Variants in DNAJC8 observed in about 807,000 individuals in gnomAD.
DNAJC8 encodes the protein dnaJ homolog subfamily C member 8.
Under a neutral mutation model 43.2 loss-of-function variants are expected in DNAJC8, and 24 were observed. That is an observed-to-expected ratio of 0.56 (90% CI 0.40 to 0.78). The LOEUF (loss-of-function observed/expected upper bound fraction) is 0.78, where lower values mean the gene tolerates loss of function less well. Ranked by LOEUF, DNAJC8 falls within the 30% of genes least tolerant of loss-of-function variation. The probability of loss-of-function intolerance (pLI) is 0.00; values close to 1 mark genes in which losing one functional copy is unlikely to be tolerated. For missense variants in DNAJC8, 207 were observed against 299.4 expected, an observed-to-expected ratio of 0.69 and a Z score of 2.28; for synonymous variants, 83 against 98.0, an observed-to-expected ratio of 0.85 and a Z score of 0.90.
chr1:28,223,520 T>G (rs1374461912), intron 2 of DNAJC8, among the ~76,000 whole-genome samples: 1 of 150,966 alleles, frequency 6.6e-6, no homozygotes, highest in Admixed American at 6.6e-5. Flanking sequence ...AGGGAAGGAG[T>G]GGCAGTGGGA....
Position 28,200,458 on chromosome 1 carries a change from G to A in DNAJC8, c.*790C>T, listed in dbSNP as rs948237557. The A allele has an allele frequency of 1.1e-4, 52 of 455,620 alleles. 1 individual carries two copies. Among genetic ancestry groups the A allele is most frequent in the Admixed American group, 1.0e-3 (44 of 42,308 alleles). 28.2% of individuals were successfully genotyped at this position (455,620 alleles called of 1,614,324 possible). On this transcript the variant is annotated 3_prime_UTR_variant, in exon 9 of 9. Transcript: ENST00000263697. ...CCCATTTCATAGATGAAGAAACTAA[G>A]GTTCAGCCAGGTCTGTCCAACCCCA...
intron 3 of DNAJC8, 123 bp downstream of exon 3, chr1:28,214,817 T>C (rs888628838): frequency 7.2e-5 from 45 of 621,942 alleles, no homozygotes; most frequent in Non-Finnish European, 4.2e-5. Flanking sequence ...ACAAAACAGT[T>C]ACACAGCCTT....
At chr1:28,227,104 CTT>C (rs375175168) in intron 2 of DNAJC8, among the ~76,000 whole-genome samples, 50 of 95,138 alleles carry the variant, frequency 5.3e-4, no homozygotes, top group African/African-American at 1.5e-3. Context: ...CTCTCTCTCT[CTT>C]TTTTTTTTTT....
At chr1:28,218,344 C>T (rs149472286) in intron 2 of DNAJC8, among the ~76,000 whole-genome samples, 3,437 of 152,044 alleles carry the variant, frequency 0.023, 184 homozygotes, top group African/African-American at 0.078. Context: ...ATCTGCCCAC[C>T]TCAGCCTCCC....
intron 3 of DNAJC8, among the ~76,000 whole-genome samples, chr1:28,211,762 T>C (rs1304926898): frequency 2.6e-5 from 4 of 152,176 alleles, no homozygotes; most frequent in Non-Finnish European, 4.4e-5. Context: ...CAAGAAAATG[T>C]CCTTTTTTTG....
chr1:28,215,835 C>G (rs1464618945), intron 2 of DNAJC8, among the ~76,000 whole-genome samples: 1 of 151,146 alleles, frequency 6.6e-6, no homozygotes, highest in Non-Finnish European at 1.5e-5. Context: ...CCGCGCCCAG[C>G]CTTAAGCAAC....
intron 2 of DNAJC8, 82 bp from the exon 3 acceptor site, chr1:28,215,078 A>C: frequency 8.5e-7 from 1 of 1,179,102 alleles, no homozygotes; most frequent in Non-Finnish European, 1.2e-6. Context: ...AATTATATAT[A>C]TTATAATCAG....
intron 6 of DNAJC8, 61 bp from the exon 7 acceptor site, chr1:28,205,410 C>G: frequency 7.7e-7 from 1 of 1,295,566 alleles, no homozygotes; most frequent in Non-Finnish European, 1.1e-6. Flanking sequence ...CAACTTGAAC[C>G]ATGTACTTTC....
At chr1:28,214,901 A>G in intron 3 of DNAJC8, 39 bp downstream of exon 3, 1 of 1,541,522 alleles carries the variant, frequency 6.5e-7, no homozygotes, top group East Asian at 2.3e-5. Flanking sequence ...TGTGCTTCAT[A>G]CATTTTCAAA....
intron 2 of DNAJC8, among the ~76,000 whole-genome samples, chr1:28,224,650 TGAG>T (rs1646921459): frequency 6.6e-6 from 1 of 151,806 alleles, no homozygotes; most frequent in Non-Finnish European, 1.5e-5. Context: ...TTTGGGAGGC[TGAG>T]GAGGGCGGAT....
At position 28,228,916 on chromosome 1, in the gene DNAJC8, G is replaced by A. The variant is rs897883209; in HGVS notation, c.180+6C>T. Reference sequence around the variant, plus strand: ...ACAGAGGCCCTAGCAACATCAATCGGCTCACCTCAAATGGGTTCAAATTGA... The same window carrying A: ...ACAGAGGCCCTAGCAACATCAATCGACTCACCTCAAATGGGTTCAAATTGA... On this transcript the variant is annotated splice_donor_region_variant and intron_variant, in intron 2 of 8. Coordinates refer to ENST00000263697, the MANE Select transcript of DNAJC8 (RefSeq NM_014280.3). The A allele has an allele frequency of 1.9e-6, 3 of 1,610,834 alleles. No individual in the cohort carries two copies. Among genetic ancestry groups the A allele is most frequent in the African/African-American group, 1.3e-5 (1 of 74,794 alleles).
At chr1:28,224,000 C>G (rs1272900742) in intron 2 of DNAJC8, among the ~76,000 whole-genome samples, 1 of 152,082 alleles carries the variant, frequency 6.6e-6, no homozygotes. Context: ...AGGAAAAACA[C>G]AAAAGTGCCT....
Position 28,212,168 on chromosome 1 carries a change from AATATATATATATATATATAT to A in DNAJC8, c.238-1551_238-1532del, listed in dbSNP as rs201782610. Among the ~76,000 whole-genome samples the A allele has an allele frequency of 3.4e-3, 106 of 31,026 alleles. 2 individuals are homozygous for A. Among genetic ancestry groups the A allele is most frequent in the East Asian group, 0.012 (10 of 848 alleles). The allele number at this position is 31,026 out of a possible 152,430, so 20.4% of individuals were successfully genotyped here. A position where few individuals can be genotyped will look rare whatever the true frequency, so the allele number is the denominator to read the frequency against. On this transcript the variant is annotated intron_variant, in intron 3 of 8. Coordinates refer to ENST00000263697, the MANE Select transcript of DNAJC8 (RefSeq NM_014280.3). Reference sequence around the variant, plus strand: ...CGGACTCCGTCTCAATAAATAAATAAATATATATATATATATATATATATATATATATATATATATATATA... The same window carrying A: ...CGGACTCCGTCTCAATAAATAAATAAATATATATATATATATATATATATA...
Position 28,211,018 on chromosome 1 carries a change from T to A in DNAJC8, c.238-381A>T, listed in dbSNP as rs187440816. Among the ~76,000 whole-genome samples, 249 of 151,998 alleles carry A rather than the reference T, an allele frequency of 1.6e-3. 1 individual carries two copies. Among genetic ancestry groups the A allele is most frequent in the African/African-American group, 5.4e-3 (222 of 41,472 alleles). ...GACCCTGTCTCTACAAAAAAAAAAT[T>A]TTTTAATTACCCAGACATGGTGGTG... On this transcript the variant is annotated intron_variant, in intron 3 of 8. Coordinates refer to ENST00000263697, the MANE Select transcript of DNAJC8 (RefSeq NM_014280.3).
chr1:28,223,064 T>C (rs1445008029), intron 2 of DNAJC8, among the ~76,000 whole-genome samples: 2 of 151,852 alleles, frequency 1.3e-5, no homozygotes, highest in African/African-American at 4.8e-5. Context: ...AGCAAGGACA[T>C]TCCCACAAAG....
chr1:28,222,009 C>T (rs1328025747), intron 2 of DNAJC8, among the ~76,000 whole-genome samples: 1 of 152,040 alleles, frequency 6.6e-6, no homozygotes, highest in African/African-American at 2.4e-5. Flanking sequence ...ACTATGATTC[C>T]TTTTATATGA....
In DNAJC8 at chr1:28,201,147, T is replaced by C. The variant is rs1646730883; in HGVS notation, c.*101A>G. 6.5e-6 allele frequency: 10 copies of C among 1,531,928 alleles called. No individual in the cohort carries two copies. The East Asian group carries it at 1.4e-4, about 21-fold the overall frequency. The allele number at this position is 1,531,928 out of a possible 1,614,324, so 94.9% of individuals were successfully genotyped here. The stretch of plus-strand genomic sequence containing the variant: ...AAAACAAAATGGACTAAAAAGCAAA[T>C]ACTACTCTATGTTGGGGTGGAAGTG... On this transcript the variant is annotated 3_prime_UTR_variant, in exon 9 of 9. Transcript: ENST00000263697.
intron 1 of DNAJC8, among the ~76,000 whole-genome samples, chr1:28,230,877 A>G (rs773249711): frequency 6.6e-6 from 1 of 152,180 alleles, no homozygotes; most frequent in African/African-American, 2.4e-5. Flanking sequence ...GCAAGAAATA[A>G]AAGATGGATG....
intron 1 of DNAJC8, among the ~76,000 whole-genome samples, chr1:28,231,879 T>C (rs1646978160): frequency 6.6e-6 from 1 of 151,518 alleles, no homozygotes; most frequent in African/African-American, 2.4e-5. Flanking sequence ...GCCATTCTCC[T>C]GCCTCAGCCT....
Sources: allele counts gnomAD v4.1 joint callset (sites outside exome capture counted in the v4.1 genomes callset), GRCh38; gene constraint gnomAD v4.1.1; transcripts MANE v1.5; gene names NCBI Gene and HGNC (gene_info 2026-07-23, HGNC 2026-07-21).